Variants in CFAP77 observed in about 807,000 individuals in gnomAD.
CFAP77 encodes cilia- and flagella-associated protein 77.
A neutral mutation model predicts 31.1 loss-of-function variants in CFAP77; 25 were observed. The observed-to-expected ratio is 0.80, with a 90% CI of 0.59 to 1.12. The LOEUF (loss-of-function observed/expected upper bound fraction) is 1.12, where lower values mean the gene tolerates loss of function less well. CFAP77 is among the 50% of genes most tolerant of loss of function. CFAP77 has a pLI of 0.00. For missense variants in CFAP77, 377 were observed against 397.3 expected (o/e 0.95, Z 0.44); for synonymous variants, 151 against 159.9 (o/e 0.94, Z 0.42).
At chr9:132,540,735 C>T (rs1852625767) in intron 4 of CFAP77, among the ~76,000 whole-genome samples, 1 of 152,176 alleles carries the variant, frequency 6.6e-6, no homozygotes, top group Non-Finnish European at 1.5e-5. Flanking sequence ...CTGGGGGAAA[C>T]TTCGCAAGGC....
At chr9:132,426,651 C>A (rs1433002963) in intron 1 of CFAP77, among the ~76,000 whole-genome samples, 4 of 152,182 alleles carry the variant, frequency 2.6e-5, no homozygotes, top group Non-Finnish European at 5.9e-5. Context: ...AGCAACGGAA[C>A]CTGAGGCAAC....
chr9:132,528,423 TAC>T, intron 3 of CFAP77, among the ~76,000 whole-genome samples: 1 of 147,612 alleles, frequency 6.8e-6, no homozygotes, highest in Middle Eastern at 3.4e-3. Context: ...ACCTAGGCAT[TAC>T]CATTCAGGAC....
intron 5 of CFAP77, among the ~76,000 whole-genome samples, chr9:132,546,262 C>A (rs532552533): frequency 6.6e-6 from 1 of 152,308 alleles, no homozygotes; most frequent in African/African-American, 2.4e-5. Context: ...CTCAGGGGTC[C>A]GGGCGGGTGG....
chr9:132,452,603 G>T (rs564090037), intron 1 of CFAP77, among the ~76,000 whole-genome samples: 1 of 152,292 alleles, frequency 6.6e-6, no homozygotes, highest in Non-Finnish European at 1.5e-5. Flanking sequence ...CTATTGAACT[G>T]CCACTAACAT....
chr9:132,453,688 C>T (rs1850868944), intron 1 of CFAP77, among the ~76,000 whole-genome samples: 1 of 152,132 alleles, frequency 6.6e-6, no homozygotes. Context: ...GCCAGGGGCA[C>T]CAGGTAATGA....
At chr9:132,547,466 C>A (rs546268824) in intron 5 of CFAP77, among the ~76,000 whole-genome samples, 148 of 152,242 alleles carry the variant, frequency 9.7e-4, no homozygotes, top group Non-Finnish European at 1.9e-3. Flanking sequence ...TTCATTCATT[C>A]ATTCCCCTGC....
At chr9:132,557,548 G>A (rs1852923797) in intron 5 of CFAP77, among the ~76,000 whole-genome samples, 1 of 152,222 alleles carries the variant, frequency 6.6e-6, no homozygotes, top group Non-Finnish European at 1.5e-5. Flanking sequence ...TCAAAACCCT[G>A]GTTAAGGCAG....
At chr9:132,457,102 T>G (rs1317859939) in intron 1 of CFAP77, among the ~76,000 whole-genome samples, 1 of 152,126 alleles carries the variant, frequency 6.6e-6, no homozygotes, top group Non-Finnish European at 1.5e-5. Flanking sequence ...ATCCTTCTTA[T>G]GTGTGCAGGA....
chr9:132,556,050 GAGTTTA>G (rs1225996144), intron 5 of CFAP77, among the ~76,000 whole-genome samples: 1 of 152,100 alleles, frequency 6.6e-6, no homozygotes, highest in Non-Finnish European at 1.5e-5. Context: ...AACCCACCAG[GAGTTTA>G]AGTTAATATT....
chr9:132,505,119 C>T (rs188716805), intron 3 of CFAP77, among the ~76,000 whole-genome samples: 1 of 152,364 alleles, frequency 6.6e-6, no homozygotes, highest in East Asian at 1.9e-4. Flanking sequence ...CACTAACGCT[C>T]CCTCTAAGCT....
intron 4 of CFAP77, among the ~76,000 whole-genome samples, chr9:132,540,331 A>G (rs1233008633): frequency 6.6e-6 from 1 of 152,282 alleles, no homozygotes; most frequent in East Asian, 1.9e-4. Context: ...CTTTTCAAGC[A>G]GAGCCCCCAA....
intron 3 of CFAP77, among the ~76,000 whole-genome samples, chr9:132,509,841 A>G (rs1305026554): frequency 1.3e-5 from 2 of 152,070 alleles, no homozygotes; most frequent in African/African-American, 2.4e-5. Context: ...TGGGGCCCCC[A>G]TCTTTTCCCC....
chr9:132,555,255 GA>G (rs993913410), intron 5 of CFAP77, among the ~76,000 whole-genome samples: 1 of 152,052 alleles, frequency 6.6e-6, no homozygotes, highest in Non-Finnish European at 1.5e-5. Flanking sequence ...AAAGATACCA[GA>G]AAAAAATCCT....
intron 3 of CFAP77, among the ~76,000 whole-genome samples, chr9:132,529,351 C>T (rs1442330026): frequency 9.0e-6 from 1 of 111,660 alleles, no homozygotes; most frequent in Non-Finnish European, 1.8e-5. Flanking sequence ...ACTCTGGGGA[C>T]TGTCATGGGG....
chr9:132,439,179 A>G (rs1850570975), intron 1 of CFAP77, among the ~76,000 whole-genome samples: 1 of 151,992 alleles, frequency 6.6e-6, no homozygotes, highest in Non-Finnish European at 1.5e-5. Flanking sequence ...CCCGGCAGTC[A>G]ATATTCTTAA....
Position 132,410,229 on chromosome 9 carries a change from C to T in CFAP77, c.-43C>T, listed in dbSNP as rs1849957315. The T allele has an allele frequency of 6.0e-6, 9 of 1,500,208 alleles. 1 individual carries two copies. Among genetic ancestry groups the T allele is most frequent in the South Asian group, 5.0e-5 (4 of 80,448 alleles). 92.9% of individuals were successfully genotyped at this position (1,500,208 alleles called of 1,614,324 possible). A position where few individuals can be genotyped will look rare whatever the true frequency, so the allele number is the denominator to read the frequency against. On this transcript the variant is annotated 5_prime_UTR_variant, in exon 1 of 6. Coordinates refer to ENST00000393216, the MANE Select transcript of CFAP77 (RefSeq NM_001282957.2). ...AGGCTGTGCCCGACGTGGGGAAGCGCGCCCAAACCAGCCCGCGGGCCGGCT... is the reference window on the plus strand; with the variant it reads ...AGGCTGTGCCCGACGTGGGGAAGCGTGCCCAAACCAGCCCGCGGGCCGGCT...
chr9:132,512,267 TCTC>T (rs1031590414), intron 3 of CFAP77, among the ~76,000 whole-genome samples: 1 of 152,178 alleles, frequency 6.6e-6, no homozygotes, highest in African/African-American at 2.4e-5. Flanking sequence ...ATCTCTGTCT[TCTC>T]CTCTTCTGTC....
At chr9:132,416,288 T>C (rs1328394084) in intron 1 of CFAP77, among the ~76,000 whole-genome samples, 4 of 150,270 alleles carry the variant, frequency 2.7e-5, no homozygotes, top group Non-Finnish European at 5.9e-5. Flanking sequence ...GCATATGCTA[T>C]AACTGTTGAT....
intron 5 of CFAP77, among the ~76,000 whole-genome samples, chr9:132,562,198 G>A (rs1216121328): frequency 6.6e-6 from 1 of 152,224 alleles, no homozygotes; most frequent in East Asian, 1.9e-4. Flanking sequence ...TAAACTGTGT[G>A]TGGCACGAGG....
Sources: gnomAD v4.1 joint callset for allele counts (sites outside exome capture counted in the v4.1 genomes callset) on GRCh38, gnomAD v4.1.1 for gene constraint, MANE v1.5 for transcripts, NCBI Gene and HGNC (gene_info 2026-07-23, HGNC 2026-07-21) for gene names.